The following MROH2B variants were observed in gnomAD, a reference collection of about 807,000 sequenced individuals.
The protein encoded by MROH2B is maestro heat like repeat family member 2B, also known as maestro heat-like repeat-containing protein family member 2B.
MROH2B carries 177 observed loss-of-function variants against 208.6 expected under a neutral mutation model. The ratio of observed to expected loss-of-function variants is 0.85; its 90% CI spans 0.75 to 0.96. MROH2B has a LOEUF of 0.96. Among genes scored for constraint, MROH2B ranks in the 40% least tolerant of loss-of-function variants. The pLI is 0.00. For synonymous variants in MROH2B, 728 were observed against 659.0 expected, an observed-to-expected ratio of 1.10 and a Z score of -1.60; for missense variants, 2,002 against 1,878.7, an observed-to-expected ratio of 1.07 and a Z score of -1.21.
intron 24 of MROH2B, among the ~76,000 whole-genome samples, chr5:41,020,681 A>G (rs1315921420): frequency 6.6e-6 from 1 of 152,180 alleles, no homozygotes; most frequent in Admixed American, 6.5e-5. Flanking sequence ...TCAAAGTATT[A>G]TTTATAGTTT....
chr5:41,052,603 T>C lies in MROH2B; in HGVS notation c.1108-16A>G. Reference sequence around the variant, plus strand: ...AATTTCTTACCTAGGGTAAGAACAATGCAATAGCAACATTTTACTATGTTT... The same window carrying C: ...AATTTCTTACCTAGGGTAAGAACAACGCAATAGCAACATTTTACTATGTTT... On this transcript the variant is annotated splice_polypyrimidine_tract_variant and intron_variant, in intron 11 of 41. Transcript: ENST00000399564. The C allele has an allele frequency of 2.5e-6, 4 of 1,592,412 alleles. No individual in the cohort carries two copies. The highest frequency in any genetic ancestry group is 3.4e-6 in the Non-Finnish European group (4 of 1,167,842).
chr5:40,998,232 G>A (rs1459881714), intron 41 of MROH2B, 74 bp from the exon 42 acceptor site: 5 of 1,272,726 alleles, frequency 3.9e-6, no homozygotes, highest in East Asian at 2.3e-5. Flanking sequence ...CCAAGCCAAG[G>A]CCCAACTTTT....
At chr5:41,039,046 T>C (rs1039568713) in intron 20 of MROH2B, among the ~76,000 whole-genome samples, 158 bp from the exon 21 acceptor site, 4 of 152,168 alleles carry the variant, frequency 2.6e-5, no homozygotes, top group Admixed American at 2.6e-4. Context: ...CCTGTTTAAA[T>C]GTAAACAGCC....
In MROH2B at chr5:41,049,340, C is replaced by A; in HGVS notation, c.1441G>T (p.Glu481Ter). Residue 481 changes from glutamate to a stop codon, truncating the protein, a stop_gained, in exon 14 of 42, where the codon GAG (glutamate) becomes TAG (stop). Coordinates refer to ENST00000399564, the MANE Select transcript of MROH2B (RefSeq NM_173489.5). LOFTEE classifies it high-confidence loss of function. ...TTGGCACTGTGCTGCTTCTTCTCCT[C>A]TGCCATAATCAGAATTCTGATGATA... The part of the protein sequence containing the change: ...FSIIRILIMA[E>*]EKKQHSAKES... 6.2e-7 allele frequency: 1 copy of A among 1,613,756 alleles called. No individual in the cohort carries two copies. Among genetic ancestry groups the A allele is most frequent in the Non-Finnish European group, 8.5e-7 (1 of 1,179,802 alleles).
At chr5:41,043,427 C>G (rs1743014491) in intron 18 of MROH2B, among the ~76,000 whole-genome samples, 1 of 152,144 alleles carries the variant, frequency 6.6e-6, no homozygotes, top group African/African-American at 2.4e-5. Context: ...TTAAGCCCAC[C>G]TTGGGGGAAA....
chr5:41,005,028 T>G, intron 35 of MROH2B, 108 bp from the exon 36 acceptor site: 1 of 1,417,640 alleles, frequency 7.1e-7, no homozygotes, highest in Non-Finnish European at 9.4e-7. Context: ...CCACTGCTTG[T>G]GCAGCGGAGG....
intron 37 of MROH2B, 70 bp downstream of exon 37, chr5:41,004,276 T>C: frequency 3.9e-6 from 6 of 1,528,910 alleles, no homozygotes; most frequent in Non-Finnish European, 5.3e-6. Context: ...ATGTCTTCTG[T>C]GAGCACTACC....
intron 15 of MROH2B, 40 bp downstream of exon 15, chr5:41,049,061 C>G: frequency 6.4e-7 from 1 of 1,561,126 alleles, no homozygotes. Flanking sequence ...TCCTTATCAG[C>G]TTAAATTTGT....
intron 24 of MROH2B, among the ~76,000 whole-genome samples, chr5:41,023,982 C>G (rs1312936105): frequency 6.6e-6 from 1 of 152,110 alleles, no homozygotes; most frequent in Non-Finnish European, 1.5e-5. Context: ...CAAGCAAATG[C>G]TGAGAGATTT....
intron 16 of MROH2B, 122 bp downstream of exon 16, chr5:41,048,202 C>A (rs891985348): frequency 8.3e-7 from 1 of 1,201,306 alleles, no homozygotes; most frequent in Non-Finnish European, 1.1e-6. Flanking sequence ...ATCTACCTTG[C>A]ATATCAAGTT....
rs139184106 is a variant in MROH2B at position 41,036,903 on chromosome 5, A to G, written c.2214+1833T>C. 4.9e-4 allele frequency among the ~76,000 whole-genome samples: 74 copies of G among 152,294 alleles called. 1 individual carries two copies. Among genetic ancestry groups the G allele is most frequent in the Admixed American group, 1.6e-3 (25 of 15,284 alleles). On this transcript the variant is annotated intron_variant, in intron 21 of 41. Transcript: ENST00000399564. ...TCACTGATGGAGTTTTTTGAGTGTT[A>G]TGACTCAACCTCATTTCCTCTTTAT... is the stretch of plus-strand genomic sequence containing the variant.
Position 40,998,615 on chromosome 5 carries a change from T to G in MROH2B, c.4648A>C (p.Thr1550Pro), listed in dbSNP as rs1272659873. ...VELLDREQLTTRLQALRQDPC... is the reference protein window; with the variant it reads ...VELLDREQLTPRLQALRQDPC... ...AAGAAACTAGGTTGGTACTCACGTG[T>G]GGTCAGTTGTTCTCTGTCTAGTAAC... The change falls in exon 41 of 42, where the codon ACA becomes CCA. Residue 1550 changes from threonine (T) to proline (P), a missense_variant. By Grantham distance (38) the Thr-to-Pro change is conservative. Transcript: ENST00000399564. 1 of 1,594,880 alleles carries G rather than the reference T, an allele frequency of 6.3e-7. No individual in the cohort carries two copies. The highest frequency in any genetic ancestry group is 8.5e-7 in the Non-Finnish European group (1 of 1,169,750).
Position 41,033,093 on chromosome 5 carries a change from TC to T in MROH2B, c.2308del (p.Glu770ArgfsTer13). On this transcript the variant is annotated frameshift_variant, in exon 23 of 42. Transcript: ENST00000399564. LOFTEE classifies it high-confidence loss of function. ...TEIGIAVQDA[E>X]DQGFQFSYKE... is the part of the protein sequence containing the mutation. ...GTAGGAAAACTGGAACCCCTGATCC[TC>T]AGCATCTTGGACAGCAATGCCAATC... The T allele has an allele frequency of 6.2e-7, 1 of 1,613,150 alleles. No homozygotes were observed. The highest frequency in any genetic ancestry group is 8.5e-7 in the Non-Finnish European group (1 of 1,179,318).
intron 25 of MROH2B, 25 bp downstream of exon 25, chr5:41,018,858 C>T (rs376329278): frequency 3.1e-6 from 5 of 1,613,640 alleles, no homozygotes; most frequent in Admixed American, 1.7e-5. Context: ...GACTGTCATC[C>T]TACTTAGGCC....
chr5:41,064,451 G>C, intron 5 of MROH2B, 21 bp downstream of exon 5: 1 of 1,603,420 alleles, frequency 6.2e-7, no homozygotes, highest in Non-Finnish European at 8.5e-7. Context: ...TAAGCAAAAA[G>C]GAAATCATCG....
intron 18 of MROH2B, among the ~76,000 whole-genome samples, chr5:41,044,396 A>G (rs1296192836): frequency 6.6e-6 from 1 of 152,180 alleles, no homozygotes; most frequent in Non-Finnish European, 1.5e-5. Flanking sequence ...GTTATTTTAA[A>G]CCACTAGGGG....
intron 6 of MROH2B, among the ~76,000 whole-genome samples, chr5:41,061,163 C>CT (rs1463381227): frequency 2.6e-4 from 39 of 152,260 alleles, no homozygotes; most frequent in African/African-American, 9.1e-4. Flanking sequence ...CTGTGGACTG[C>CT]TATTTTTTCC....
chr5:40,998,232 G>T, intron 41 of MROH2B, 74 bp from the exon 42 acceptor site: 2 of 1,272,842 alleles, frequency 1.6e-6, no homozygotes, highest in Non-Finnish European at 2.2e-6. Context: ...CCAAGCCAAG[G>T]CCCAACTTTT....
chr5:41,040,256 G>A (rs568199374), intron 19 of MROH2B, among the ~76,000 whole-genome samples: 1 of 152,258 alleles, frequency 6.6e-6, no homozygotes, highest in East Asian at 1.9e-4. Context: ...GGCAGTTCTT[G>A]TTTCACACTC....
Sources: allele counts gnomAD v4.1 joint callset (sites outside exome capture counted in the v4.1 genomes callset), GRCh38; gene constraint gnomAD v4.1.1; transcripts MANE v1.5; gene names NCBI Gene and HGNC (gene_info 2026-07-23, HGNC 2026-07-21).